The following PCDH15 variants were observed in gnomAD, a reference collection of about 807,000 sequenced individuals.
PCDH15 encodes protocadherin-15.
PCDH15 carries 129 observed loss-of-function variants against 178.5 expected under a neutral mutation model. The ratio of observed to expected loss-of-function variants is 0.72; its 90% CI spans 0.63 to 0.84. The LOEUF (loss-of-function observed/expected upper bound fraction) is 0.84, where lower values mean the gene tolerates loss of function less well. Among genes scored for constraint, PCDH15 ranks in the 40% least tolerant of loss-of-function variants. The pLI is 0.00. For missense variants in PCDH15, 2,230 were observed against 2,099.9 expected, an observed-to-expected ratio of 1.06 and a Z score of -1.21; for synonymous variants, 800 against 732.0, an observed-to-expected ratio of 1.09 and a Z score of -1.50.
rs944039219 is a variant in PCDH15 at position 55,378,885 on chromosome 10, C to G, written c.-155-212234G>C. 1.4e-3 allele frequency among the ~76,000 whole-genome samples: 205 copies of G among 151,000 alleles called. 2 individuals carry two copies. The highest frequency in any genetic ancestry group is 4.9e-3 in the African/African-American group (199 of 40,996). On this transcript the variant is annotated intron_variant, in intron 2 of 5. Coordinates refer to the PCDH15 transcript ENST00000613346. ...TTTGTGTAACTCTCCCCATCTCTCT[C>G]TCTCTCTCTCTCTCTCTCTCTCTCA... is the stretch of plus-strand genomic sequence containing the variant.
chr10:55,544,233 T>C (rs927123436), intron 2 of PCDH15, among the ~76,000 whole-genome samples: 1 of 148,368 alleles, frequency 6.7e-6, no homozygotes, highest in Non-Finnish European at 1.5e-5. Flanking sequence ...TACATGTATA[T>C]ATAGATAGAA....
intron 16 of PCDH15, among the ~76,000 whole-genome samples, chr10:54,081,715 AT>A (rs1205465736): frequency 6.6e-6 from 1 of 152,156 alleles, no homozygotes; most frequent in East Asian, 1.9e-4. Flanking sequence ...ACACTTAGTA[AT>A]GCAATACACC....
chr10:54,062,252 A>AAAAAAAAAAAAAAAT (rs2094040900), intron 18 of PCDH15, among the ~76,000 whole-genome samples: 1 of 72,222 alleles, frequency 1.4e-5, no homozygotes, highest in African/African-American at 4.8e-5. Flanking sequence ...AAAAAAAAAA[A>AAAAAAAAAAAAAAAT]CAAAAAACAA....
chr10:55,400,460 C>T (rs1263699537), intron 2 of PCDH15, among the ~76,000 whole-genome samples: 1 of 152,156 alleles, frequency 6.6e-6, no homozygotes, highest in Non-Finnish European at 1.5e-5. Flanking sequence ...AACATATTCA[C>T]TACATTTAGA....
At chr10:55,292,636 C>T (rs1843035878) in intron 1 of PCDH15, among the ~76,000 whole-genome samples, 1 of 152,186 alleles carries the variant, frequency 6.6e-6, no homozygotes, top group Non-Finnish European at 1.5e-5. Context: ...CCCACCTCGG[C>T]CTTCCAAAGT....
At chr10:54,405,767 A>G (rs903352936) in intron 3 of PCDH15, among the ~76,000 whole-genome samples, 4 of 151,964 alleles carry the variant, frequency 2.6e-5, no homozygotes, top group African/African-American at 9.7e-5. Flanking sequence ...ACTGTAAAAA[A>G]GAGAGATGTA....
At chr10:54,002,050 T>TATGTATATATAC (rs2092166588) in intron 20 of PCDH15, among the ~76,000 whole-genome samples, 2 of 26,238 alleles carry the variant, frequency 7.6e-5, no homozygotes, top group Non-Finnish European at 1.3e-4. Context: ...TATATACATA[T>TATGTATATATAC]ATGTATATAT....
intron 18 of PCDH15, among the ~76,000 whole-genome samples, chr10:54,055,075 G>A (rs978705126): frequency 1.3e-5 from 2 of 152,040 alleles, no homozygotes; most frequent in African/African-American, 4.8e-5. Flanking sequence ...GATTTATTTT[G>A]TTTAATATTA....
intron 2 of PCDH15, among the ~76,000 whole-genome samples, chr10:55,403,489 A>T (rs1665591): frequency 0.95 from 144,928 of 151,952 alleles, 69,179 homozygotes; most frequent in East Asian, 1. Flanking sequence ...TTTTTTCTAG[A>T]ATTTTATAGT....
At chr10:54,666,324 G>C (rs1213545378) in intron 1 of PCDH15, among the ~76,000 whole-genome samples, 4 of 152,048 alleles carry the variant, frequency 2.6e-5, no homozygotes, top group African/African-American at 9.7e-5. Context: ...ATAAGTGACT[G>C]GCTCAAGGTT....
intron 2 of PCDH15, among the ~76,000 whole-genome samples, chr10:55,159,822 A>G (rs1365283602): frequency 6.7e-6 from 1 of 149,296 alleles, no homozygotes; most frequent in South Asian, 2.1e-4. Flanking sequence ...AAACATATAT[A>G]TTACATCTTT....
chr10:54,016,861 C>T lies in PCDH15; in HGVS notation c.2751+3331G>A, dbSNP rs531359378. Among the ~76,000 whole-genome samples the T allele has an allele frequency of 2.6e-5, 4 of 152,242 alleles. No homozygotes were observed. The East Asian group carries it at 5.8e-4, about 22-fold the overall frequency. Reference sequence around the variant, plus strand: ...CAATTTACCTGTATAACAAACCACACATGTATCTATGAACCTAAATTAAAA... The same window carrying T: ...CAATTTACCTGTATAACAAACCACATATGTATCTATGAACCTAAATTAAAA... On this transcript the variant is annotated intron_variant, in intron 20 of 37. Coordinates refer to ENST00000644397, the MANE Select transcript of PCDH15 (RefSeq NM_001384140.1).
chr10:55,281,781 T>G (rs1842740130), intron 1 of PCDH15, among the ~76,000 whole-genome samples: 1 of 152,194 alleles, frequency 6.6e-6, no homozygotes, highest in Non-Finnish European at 1.5e-5. Flanking sequence ...AAAAGAGTCC[T>G]ATTCCAGAAT....
chr10:53,870,072 C>T (rs1298129409), intron 26 of PCDH15, among the ~76,000 whole-genome samples: 1 of 152,134 alleles, frequency 6.6e-6, no homozygotes, highest in Non-Finnish European at 1.5e-5. Flanking sequence ...ACAGTGATTG[C>T]TTGGTATATT....
chr10:55,606,377 A>G (rs1485901937), intron 2 of PCDH15, among the ~76,000 whole-genome samples: 1 of 145,508 alleles, frequency 6.9e-6, no homozygotes, highest in Non-Finnish European at 1.5e-5. Context: ...GCCTTTCTTC[A>G]CAGAATTGGA....
At chr10:53,960,903 A>T (rs2088230752) in intron 22 of PCDH15, among the ~76,000 whole-genome samples, 1 of 152,206 alleles carries the variant, frequency 6.6e-6, no homozygotes, top group African/African-American at 2.4e-5. Context: ...AAAAATGGAA[A>T]TGTTCAAACA....
At chr10:55,166,958 A>G (rs1839211494) in intron 1 of PCDH15, among the ~76,000 whole-genome samples, 1 of 152,182 alleles carries the variant, frequency 6.6e-6, no homozygotes, top group South Asian at 2.1e-4. Flanking sequence ...TGGTATGACC[A>G]GAGTCTGCCA....
intron 2 of PCDH15, among the ~76,000 whole-genome samples, chr10:54,983,355 A>G (rs1054486427): frequency 6.6e-6 from 1 of 152,102 alleles, no homozygotes; most frequent in African/African-American, 2.4e-5. Context: ...AAATAATATA[A>G]AAATTGACCA....
intron 2 of PCDH15, among the ~76,000 whole-genome samples, chr10:55,403,431 G>T (rs183684907): frequency 6.6e-6 from 1 of 151,404 alleles, no homozygotes; most frequent in East Asian, 1.9e-4. Flanking sequence ...TGAAGTCTTG[G>T]CCATAAAATC....
Sources: gnomAD v4.1 joint callset for allele counts (sites outside exome capture counted in the v4.1 genomes callset) on GRCh38, gnomAD v4.1.1 for gene constraint, MANE v1.5 for transcripts, NCBI Gene and HGNC (gene_info 2026-07-23, HGNC 2026-07-21) for gene names.